Variants in FAT3 observed in about 807,000 individuals in gnomAD.
FAT3 encodes the protein FAT atypical cadherin 3.
Under a neutral mutation model 310.2 loss-of-function variants are expected in FAT3, and 95 were observed. The observed-to-expected ratio is 0.31, with a 90% CI of 0.26 to 0.36. The LOEUF (loss-of-function observed/expected upper bound fraction) is 0.36. Ranked by LOEUF, FAT3 falls within the 10% of genes least tolerant of loss-of-function variation. The pLI is 1.00. For synonymous variants in FAT3, 2,314 were observed against 2,192.9 expected (o/e 1.06, Z -1.54); for missense variants, 5,408 against 5,715.6 (o/e 0.95, Z 1.74).
chr11:92,796,750 CT>C (rs1245095509), intron 9 of FAT3, among the ~76,000 whole-genome samples: 1 of 152,208 alleles, frequency 6.6e-6, no homozygotes, highest in Non-Finnish European at 1.5e-5. Context: ...TACCCACTGC[CT>C]TTCAGCTCTG....
At chr11:92,555,745 C>T (rs1954995218) in intron 3 of FAT3, among the ~76,000 whole-genome samples, 1 of 152,224 alleles carries the variant, frequency 6.6e-6, no homozygotes, top group Non-Finnish European at 1.5e-5. Flanking sequence ...GCAGAATCAG[C>T]AGGATTCACA....
At chr11:92,351,241 A>T (rs1948557122) in intron 1 of FAT3, among the ~76,000 whole-genome samples, 1 of 152,130 alleles carries the variant, frequency 6.6e-6, no homozygotes, top group Admixed American at 6.5e-5. Flanking sequence ...GTAACTTGAC[A>T]CTTTGTTCAT....
chr11:92,271,389 C>T (rs1050679610), intron 1 of FAT3, among the ~76,000 whole-genome samples: 1 of 152,260 alleles, frequency 6.6e-6, no homozygotes, highest in South Asian at 2.1e-4. Context: ...CATTTACTCA[C>T]TCCCCTCCAA....
At chr11:92,619,484 T>G (rs1940982158) in intron 3 of FAT3, among the ~76,000 whole-genome samples, 1 of 152,162 alleles carries the variant, frequency 6.6e-6, no homozygotes, top group Admixed American at 6.5e-5. Flanking sequence ...CCACCTGGAA[T>G]TGGTCTTTTA....
At position 92,791,429 on chromosome 11, in the gene FAT3, T is replaced by G. The variant is rs1341827740; in HGVS notation, c.4611+1211T>G. 2.0e-5 allele frequency among the ~76,000 whole-genome samples: 3 copies of G among 152,226 alleles called. No individual in the cohort carries two copies. In the East Asian group the frequency reaches 5.8e-4, roughly 29 times the overall value. On this transcript the variant is annotated intron_variant, in intron 8 of 27. Coordinates refer to ENST00000525166, the MANE Select transcript of FAT3 (RefSeq NM_001367949.2). ...GCATATTCACTGAGCTAATTCTGCA[T>G]GTGTTTTCTCCAAGGGCAGAAACCT...
At chr11:92,731,208 G>A (rs202203551) in intron 4 of FAT3, among the ~76,000 whole-genome samples, 1 of 152,142 alleles carries the variant, frequency 6.6e-6, no homozygotes, top group Non-Finnish European at 1.5e-5. Context: ...TCTCAAACCT[G>A]TAAATATTTT....
intron 2 of FAT3, among the ~76,000 whole-genome samples, chr11:92,368,454 T>C (rs1342861972): frequency 1.3e-5 from 2 of 152,178 alleles, no homozygotes; most frequent in Admixed American, 1.3e-4. Flanking sequence ...AACTAGTAAT[T>C]TCTGTGTCTG....
chr11:92,727,881 T>G (rs533359287), intron 4 of FAT3, among the ~76,000 whole-genome samples: 172 of 152,392 alleles, frequency 1.1e-3, no homozygotes, highest in South Asian at 3.5e-3. Flanking sequence ...CCACTGAGGC[T>G]GGCCTCCCCA....
intron 3 of FAT3, among the ~76,000 whole-genome samples, chr11:92,585,696 A>T (rs1441155654): frequency 6.6e-6 from 1 of 152,060 alleles, no homozygotes; most frequent in Non-Finnish European, 1.5e-5. Context: ...ATAGCTAATA[A>T]CAGTTTCAGG....
intron 1 of FAT3, among the ~76,000 whole-genome samples, chr11:92,278,522 A>G (rs1946337226): frequency 6.6e-6 from 1 of 152,060 alleles, no homozygotes; most frequent in Non-Finnish European, 1.5e-5. Flanking sequence ...CTCCCTATGT[A>G]ATATATAGTG....
At chr11:92,485,033 TTAAAGAATATTGAG>T (rs1952336297) in intron 2 of FAT3, among the ~76,000 whole-genome samples, 1 of 152,166 alleles carries the variant, frequency 6.6e-6, no homozygotes, top group African/African-American at 2.4e-5. Flanking sequence ...GATTTTTGGG[TTAAAGAATATTGAG>T]TTAAGCTTAT....
intron 7 of FAT3, among the ~76,000 whole-genome samples, chr11:92,776,654 G>A (rs764829690): frequency 6.6e-6 from 1 of 152,130 alleles, no homozygotes; most frequent in Non-Finnish European, 1.5e-5. Context: ...CTCCAGGGCT[G>A]TTTAGAATTA....
chr11:92,348,861 G>A (rs543993490), intron 1 of FAT3, among the ~76,000 whole-genome samples: 41 of 152,224 alleles, frequency 2.7e-4, no homozygotes, highest in Admixed American at 2.1e-3. Flanking sequence ...AATAGGAAAC[G>A]GAGCATATTA....
At chr11:92,449,140 G>A (rs1421721284) in intron 2 of FAT3, among the ~76,000 whole-genome samples, 2 of 152,026 alleles carry the variant, frequency 1.3e-5, no homozygotes, top group East Asian at 1.9e-4. Flanking sequence ...TGAGGAGCCC[G>A]AGCAATGCCA....
chr11:92,341,791 A>G (rs1327563469), intron 1 of FAT3, among the ~76,000 whole-genome samples: 2 of 152,064 alleles, frequency 1.3e-5, no homozygotes, highest in Admixed American at 6.5e-5. Context: ...CTGAAATACT[A>G]TTTTAGAGTC....
intron 1 of FAT3, among the ~76,000 whole-genome samples, chr11:92,233,974 G>T (rs73542833): frequency 0.026 from 4,002 of 152,272 alleles, 172 homozygotes; most frequent in African/African-American, 0.091. Flanking sequence ...TATCCAAAGA[G>T]AAAGAGGGAG....
chr11:92,472,232 T>C (rs1951929317), intron 2 of FAT3, among the ~76,000 whole-genome samples: 1 of 152,094 alleles, frequency 6.6e-6, no homozygotes, highest in South Asian at 2.1e-4. Flanking sequence ...ATGCTATATT[T>C]AATAACAATC....
chr11:92,354,785 G>A lies in FAT3; in HGVS notation c.2673G>A (p.Gln891=), dbSNP rs1452674321. ...CTGGAATCGTTTATGTAGCCGACCA[G>A]TTGGACCGGGAATCCAAAGCCAATT... ...SSTGIVYVAD[Q]LDRESKANYS... Residue 891 remains glutamine, a synonymous_variant, in exon 2 of 28, where the codon CAG becomes CAA. Transcript: ENST00000525166. 17 of 1,613,932 alleles carry A rather than the reference G, an allele frequency of 1.1e-5. No homozygotes were observed. Among genetic ancestry groups the A allele is most frequent in the Non-Finnish European group, 1.4e-5 (17 of 1,179,870 alleles).
At chr11:92,608,179 C>CT (rs1565453533) in intron 3 of FAT3, among the ~76,000 whole-genome samples, 1 of 152,108 alleles carries the variant, frequency 6.6e-6, no homozygotes, top group African/African-American at 2.4e-5. Flanking sequence ...TCATCACTGC[C>CT]TTTTTGTTGT....
Sources: allele counts gnomAD v4.1 joint callset (sites outside exome capture counted in the v4.1 genomes callset), GRCh38; gene constraint gnomAD v4.1.1; transcripts MANE v1.5; gene names NCBI Gene and HGNC (gene_info 2026-07-23, HGNC 2026-07-21).